ZNF556: variants seen among roughly 807,000 people sequenced by gnomAD.
The protein encoded by ZNF556 is zinc finger protein 556.
In ZNF556, 11 loss-of-function variants were observed where a neutral mutation model predicts 13.6. That is an observed-to-expected ratio of 0.81 (90% confidence interval 0.51 to 1.33). ZNF556 has a LOEUF of 1.33. ZNF556 is among the 40% of genes most tolerant of loss of function. The pLI is 0.00. For synonymous variants in ZNF556, 229 were observed against 207.8 expected (o/e 1.10, Z -0.88); for missense variants, 633 against 566.2 (o/e 1.12, Z -1.20).
At position 2,879,371 on chromosome 19, in the gene ZNF556, A is replaced by G. The variant is rs2087887397; in HGVS notation, c.*1042A>G. On this transcript the variant is annotated 3_prime_UTR_variant, in exon 4 of 4. Transcript: ENST00000307635. ...GTTTTTTTTCTTTTTCTTTTTTGAG[A>G]CAGAGTCCTGTTATGTTGCCCAAGC... is the stretch of plus-strand genomic sequence containing the variant. 6.6e-6 allele frequency: 1 copy of G among 151,124 alleles called. No homozygotes were observed. The highest frequency in any genetic ancestry group is 1.5e-5 in the Non-Finnish European group (1 of 67,866). 9.4% of individuals were successfully genotyped at this position (151,124 alleles called of 1,614,324 possible). A position where few individuals can be genotyped will look rare whatever the true frequency, so the allele number is the denominator to read the frequency against.
intron 2 of ZNF556, 36 bp from the exon 3 acceptor site, chr19:2,876,057 C>G (rs2087848247): frequency 6.4e-7 from 1 of 1,558,754 alleles, no homozygotes; most frequent in South Asian, 1.2e-5. Context: ...TTTGCAGATG[C>G]CTTCCTCATC....
intron 1 of ZNF556, among the ~76,000 whole-genome samples, chr19:2,868,721 AT>A (rs11456545): frequency 6.8e-4 from 86 of 125,926 alleles, no homozygotes; most frequent in African/African-American, 6.8e-4. Context: ...TGACTAGCTA[AT>A]TTTTTTTTTT....
rs1232254880 is a variant in ZNF556 at position 2,877,924 on chromosome 19, A to G, written c.966A>G (p.Lys322=). 1 of 1,614,254 alleles carries G rather than the reference A, an allele frequency of 6.2e-7. No homozygotes were observed. Among genetic ancestry groups the G allele is most frequent in the Admixed American group, 1.7e-5 (1 of 60,028 alleles). ...CCTATAAGTGTGGAAAATGCGGGAAAGCATTCGGTTGGCCCTCATCCTTAC... is the reference window on the plus strand; with the variant it reads ...CCTATAAGTGTGGAAAATGCGGGAAGGCATTCGGTTGGCCCTCATCCTTAC... ...EKPYKCGKCG[K]AFGWPSSLHK... The change falls in exon 4 of 4, where the codon AAA becomes AAG. Residue 322 remains lysine, a synonymous_variant. Transcript: ENST00000307635.
Position 2,869,771 on chromosome 19 carries a change from G to A in ZNF556, c.3+2347G>A, listed in dbSNP as rs567814966. 7.6e-4 allele frequency among the ~76,000 whole-genome samples: 116 copies of A among 152,244 alleles called. 1 individual carries two copies. The highest frequency in any genetic ancestry group is 2.5e-3 in the African/African-American group (104 of 41,562). On this transcript the variant is annotated intron_variant, in intron 1 of 3. Transcript: ENST00000307635. Reference sequence around the variant, plus strand: ...GCTTTCGCCTCCTAACTGGTGTCCCGGTGTCTGTATGTGTCCCCTATGATC... The same window carrying A: ...GCTTTCGCCTCCTAACTGGTGTCCCAGTGTCTGTATGTGTCCCCTATGATC...
In ZNF556 at chr19:2,878,833, C is replaced by T. The variant is rs1345823916; in HGVS notation, c.*504C>T. On this transcript the variant is annotated 3_prime_UTR_variant, in exon 4 of 4. Transcript: ENST00000307635. ...GGGGAGAATCCTGTAAGTCCTCTCT[C>T]ACCTATAGTACTGAAATTTTGATAC... 6.5e-6 allele frequency: 1 copy of T among 154,118 alleles called. No individual in the cohort carries two copies. The highest frequency in any genetic ancestry group is 6.4e-5 in the Admixed American group (1 of 15,658). 9.5% of individuals were successfully genotyped at this position (154,118 alleles called of 1,614,324 possible).
In ZNF556 at chr19:2,881,189, A is replaced by G. The variant is rs1313096929; in HGVS notation, c.*2860A>G. 1 of 152,150 alleles carries G rather than the reference A, an allele frequency of 6.6e-6. No individual in the cohort carries two copies. The highest frequency in any genetic ancestry group is 2.4e-5 in the African/African-American group (1 of 41,454). 9.4% of individuals were successfully genotyped at this position (152,150 alleles called of 1,614,324 possible). On this transcript the variant is annotated 3_prime_UTR_variant, in exon 4 of 4. Transcript: ENST00000307635. ...CCTAATAAATTCTTGTTTATTCATA[A>G]TGACAAAAACTTACGTAACGGTTTT...
intron 1 of ZNF556, among the ~76,000 whole-genome samples, chr19:2,867,845 G>A (rs981667072): frequency 6.6e-5 from 10 of 152,146 alleles, no homozygotes; most frequent in Non-Finnish European, 1.2e-4. Flanking sequence ...TGGACAGGTG[G>A]TGCGGGCGCT....
chr19:2,868,243 AAG>A (rs1263178900), intron 1 of ZNF556, among the ~76,000 whole-genome samples: 7 of 152,248 alleles, frequency 4.6e-5, no homozygotes, highest in South Asian at 2.1e-4. Flanking sequence ...ATCGCAGAGA[AAG>A]AGAGAAAATC....
chr19:2,877,498 T>C lies in ZNF556; in HGVS notation c.540T>C (p.Cys180=). The C allele has an allele frequency of 6.2e-7, 1 of 1,614,142 alleles. No homozygotes were observed. The highest frequency in any genetic ancestry group is 1.1e-5 in the South Asian group (1 of 91,082). The change falls in exon 4 of 4, where the codon TGT becomes TGC. Residue 180 remains cysteine (C), a synonymous_variant. Transcript: ENST00000307635. The part of the protein sequence containing the change: ...SGQKLYKCKE[C]GKAFSRPSYL... ...AAAAATTATATAAATGTAAGGAATG[T>C]GGGAAAGCCTTCAGTCGCCCTTCCT...
Position 2,876,150 on chromosome 19 carries a change from A to G in ZNF556, c.188A>G (p.Glu63Gly), listed in dbSNP as rs373716259. 8.6e-5 allele frequency: 139 copies of G among 1,612,710 alleles called. No homozygotes were observed. In the East Asian group the frequency reaches 1.8e-3, roughly 20 times the overall value. ...ATTTCTCAGCAGGATACTTCTGGAG[A>G]AAAATTATCCCTCAAACAGAAAATA... ...GSISQQDTSG[E>G]KLSLKQKIEK... Residue 63 changes from glutamate to glycine, a missense_variant, in exon 3 of 4, where the codon GAA becomes GGA. Coordinates refer to ENST00000307635, the MANE Select transcript of ZNF556 (RefSeq NM_024967.3).
At position 2,873,533 on chromosome 19, in the gene ZNF556, C is replaced by T. The variant is rs111290787; in HGVS notation, c.41C>T (p.Thr14Met). 103 of 1,614,124 alleles carry T rather than the reference C, an allele frequency of 6.4e-5. No individual in the cohort carries two copies. Among genetic ancestry groups the T allele is most frequent in the East Asian group, 8.9e-5 (4 of 44,884 alleles). The part of the protein sequence containing the change: ...VVFEDVVVDF[T>M]LEEWALLNPA... Reference sequence around the variant, plus strand: ...TTTGAAGACGTGGTTGTGGATTTCACGCTGGAGGAGTGGGCCTTGCTGAAT... The same window carrying T: ...TTTGAAGACGTGGTTGTGGATTTCATGCTGGAGGAGTGGGCCTTGCTGAAT... Residue 14 changes from threonine (T) to methionine (M), a missense_variant, in exon 2 of 4, where the codon ACG becomes ATG. By Grantham distance (81) the Thr-to-Met change is moderately conservative. Transcript: ENST00000307635.
intron 2 of ZNF556, among the ~76,000 whole-genome samples, chr19:2,874,510 C>T (rs1180310361): frequency 3.3e-5 from 5 of 151,850 alleles, no homozygotes; most frequent in South Asian, 2.1e-4. Context: ...TTTGGGAGGC[C>T]GAGGCGGGCG....
chr19:2,873,399 T>C (rs1403746333), intron 1 of ZNF556, 97 bp from the exon 2 acceptor site: 2 of 1,440,698 alleles, frequency 1.4e-6, no homozygotes, highest in Admixed American at 3.5e-5. Context: ...ATTGGCAGAC[T>C]GCAGGATCTT....
Position 2,873,639 on chromosome 19 carries a change from T to A in ZNF556, c.130+17T>A. ...CCTCAGTAGGTGAGGATAGCATTATTTCTGCACTTAGTTATTAGATAATAA... is the reference window on the plus strand; with the variant it reads ...CCTCAGTAGGTGAGGATAGCATTATATCTGCACTTAGTTATTAGATAATAA... On this transcript the variant is annotated intron_variant, in intron 2 of 3. Coordinates refer to ENST00000307635, the MANE Select transcript of ZNF556 (RefSeq NM_024967.3). 1 of 1,608,046 alleles carries A rather than the reference T, an allele frequency of 6.2e-7. No individual in the cohort carries two copies. Among genetic ancestry groups the A allele is most frequent in the Non-Finnish European group, 8.5e-7 (1 of 1,175,280 alleles).
At chr19:2,870,589 A>G (rs1270183083) in intron 1 of ZNF556, among the ~76,000 whole-genome samples, 1 of 151,806 alleles carries the variant, frequency 6.6e-6, no homozygotes, top group Non-Finnish European at 1.5e-5. Flanking sequence ...TCTACTAAAA[A>G]TACAAAAATC....
At chr19:2,869,671 TCTC>T (rs2087786352) in intron 1 of ZNF556, among the ~76,000 whole-genome samples, 1 of 152,050 alleles carries the variant, frequency 6.6e-6, no homozygotes, top group Non-Finnish European at 1.5e-5. Context: ...CCGGCCTAGA[TCTC>T]CTCTTATGCT....
At position 2,867,421 on chromosome 19, in the gene ZNF556, C is replaced by T. The variant is rs902897524; in HGVS notation, c.-1C>T. 17 of 1,584,736 alleles carry T rather than the reference C, an allele frequency of 1.1e-5. No homozygotes were observed. The East Asian group carries it at 1.1e-4, about 11-fold the overall frequency. ...TCAAAGAGCTCAGGAACGGACAGGACATGGTGAGTGCAGGGCAGGAGCCGA... is the reference window on the plus strand; with the variant it reads ...TCAAAGAGCTCAGGAACGGACAGGATATGGTGAGTGCAGGGCAGGAGCCGA... On this transcript the variant is annotated 5_prime_UTR_variant, in exon 1 of 4. Transcript: ENST00000307635.
At chr19:2,872,315 T>C (rs1736198) in intron 1 of ZNF556, among the ~76,000 whole-genome samples, 99,974 of 149,044 alleles carry the variant, frequency 0.67, 35,245 homozygotes, top group African/African-American at 0.89. Flanking sequence ...AGACCACGGT[T>C]CACTTGGCAA....
Position 2,878,231 on chromosome 19 carries a change from A to T in ZNF556, c.1273A>T (p.Ser425Cys), listed in dbSNP as rs565071288. ...NVRTQIGQKPSKCEKCGKAFS... is the reference protein window; with the variant it reads ...NVRTQIGQKPCKCEKCGKAFS... ...AAGAACGCAGATTGGACAGAAGCCC[A>T]GTAAATGCGAAAAATGTGGGAAAGC... The change falls in exon 4 of 4, where the codon AGT becomes TGT. Residue 425 changes from serine (S) to cysteine (C), a missense_variant. Transcript: ENST00000307635. 9.9e-6 allele frequency: 16 copies of T among 1,614,168 alleles called. 1 individual carries two copies. In the South Asian group the frequency reaches 1.6e-4, roughly 17 times the overall value.
Sources: gnomAD v4.1 joint callset for allele counts (sites outside exome capture counted in the v4.1 genomes callset) on GRCh38, gnomAD v4.1.1 for gene constraint, MANE v1.5 for transcripts, NCBI Gene and HGNC (gene_info 2026-07-23, HGNC 2026-07-21) for gene names.